The following RSPRY1 variants were observed in gnomAD, a reference collection of about 807,000 sequenced individuals.
RSPRY1 encodes ring finger and SPRY domain containing 1.
A neutral mutation model predicts 73.1 loss-of-function variants in RSPRY1; 23 were observed. The observed-to-expected ratio is 0.31, with a 90% CI of 0.23 to 0.45. The LOEUF (loss-of-function observed/expected upper bound fraction) is 0.45, where lower values mean the gene tolerates loss of function less well. Among genes scored for constraint, RSPRY1 ranks in the 20% least tolerant of loss-of-function variants. RSPRY1 has a pLI of 1.00. For synonymous variants in RSPRY1, 226 were observed against 251.4 expected, an observed-to-expected ratio of 0.90 and a Z score of 0.95; for missense variants, 448 against 698.7, an observed-to-expected ratio of 0.64 and a Z score of 4.05.
intron 1 of RSPRY1, among the ~76,000 whole-genome samples, chr16:57,196,108 G>T (rs991443310): frequency 6.7e-6 from 1 of 149,202 alleles, no homozygotes; most frequent in Admixed American, 6.7e-5. Context: ...TTTCTATTCC[G>T]TTCAGTCTCT....
In RSPRY1 at chr16:57,186,390, C is replaced by G. The variant is rs1041052298; in HGVS notation, c.-217C>G. 2.4e-5 allele frequency: 4 copies of G among 163,848 alleles called. No homozygotes were observed. The highest frequency in any genetic ancestry group is 3.9e-5 in the Non-Finnish European group (3 of 77,528). 10.1% of individuals were successfully genotyped at this position (163,848 alleles called of 1,614,324 possible). A position where few individuals can be genotyped will look rare whatever the true frequency, so the allele number is the denominator to read the frequency against. On this transcript the variant is annotated 5_prime_UTR_variant, in exon 1 of 15. Coordinates refer to ENST00000394420, the MANE Select transcript of RSPRY1 (RefSeq NM_133368.3). ...ATCTTTGCCGTTCTCTCGGACCTGT[C>G]ACAAAGGAGTCGCGCCGCCGCCGCC...
chr16:57,219,174 C>G (rs1425201497), intron 8 of RSPRY1, among the ~76,000 whole-genome samples: 10 of 152,060 alleles, frequency 6.6e-5, no homozygotes, highest in African/African-American at 2.4e-4. Flanking sequence ...TGGTGTATAC[C>G]TAGCAGCAGA....
chr16:57,217,105 T>A, intron 8 of RSPRY1, 70 bp downstream of exon 8: 2 of 1,564,898 alleles, frequency 1.3e-6, no homozygotes, highest in Non-Finnish European at 1.8e-6. Flanking sequence ...ATAGGCTCAC[T>A]GGTCTTCCTT....
chr16:57,186,907 G>A (rs2074213325), intron 1 of RSPRY1: 1 of 152,296 alleles, frequency 6.6e-6, no homozygotes, highest in African/African-American at 2.4e-5. Context: ...TCTTTTTGTG[G>A]AGTTTACGGT....
chr16:57,209,356 C>G (rs544105177), intron 4 of RSPRY1, among the ~76,000 whole-genome samples, 169 bp downstream of exon 4: 1 of 151,926 alleles, frequency 6.6e-6, no homozygotes, highest in African/African-American at 2.4e-5. Flanking sequence ...AGAATTATGT[C>G]CTCTTTTTTT....
At chr16:57,230,854 G>T in intron 12 of RSPRY1, 41 bp downstream of exon 12, 1 of 1,129,360 alleles carries the variant, frequency 8.9e-7, no homozygotes, top group South Asian at 1.3e-5. Flanking sequence ...GTAGATGCAC[G>T]GAATGCCCTT....
chr16:57,212,967 T>C lies in RSPRY1; in HGVS notation c.517-5T>C. The C allele has an allele frequency of 6.2e-7, 1 of 1,613,488 alleles. No homozygotes were observed. The highest frequency in any genetic ancestry group is 8.5e-7 in the Non-Finnish European group (1 of 1,179,656). On this transcript the variant is annotated splice_polypyrimidine_tract_variant and splice_region_variant and intron_variant, in intron 4 of 14. Coordinates refer to ENST00000394420, the MANE Select transcript of RSPRY1 (RefSeq NM_133368.3). ...GTCAAACCCACTTGTACTTTTTTGT[T>C]TTAGGATGCACTCCAGAAATTGACT...
At chr16:57,210,111 C>T (rs1029774723) in intron 4 of RSPRY1, among the ~76,000 whole-genome samples, 9 of 133,750 alleles carry the variant, frequency 6.7e-5, no homozygotes, top group African/African-American at 2.2e-4. Context: ...CTTCCTTCCC[C>T]GGCCCCGCCT....
chr16:57,208,297 T>G (rs2146263499), intron 3 of RSPRY1, among the ~76,000 whole-genome samples, 187 bp downstream of exon 3: 1 of 144,208 alleles, frequency 6.9e-6, no homozygotes, highest in East Asian at 2.0e-4. Context: ...CAATGCATAT[T>G]ATACCTTTTT....
At chr16:57,191,330 G>A (rs1299453186) in intron 1 of RSPRY1, among the ~76,000 whole-genome samples, 1 of 152,048 alleles carries the variant, frequency 6.6e-6, no homozygotes, top group Non-Finnish European at 1.5e-5. Context: ...GTATGCCTAA[G>A]GGCTACTTAT....
chr16:57,224,004 C>T (rs531895082), intron 10 of RSPRY1, among the ~76,000 whole-genome samples: 2 of 152,302 alleles, frequency 1.3e-5, no homozygotes, highest in African/African-American at 4.8e-5. Context: ...TGCTCCTTCC[C>T]CTGTTGAAGC....
At chr16:57,221,942 G>A (rs1340061548) in intron 10 of RSPRY1, among the ~76,000 whole-genome samples, 2 of 152,210 alleles carry the variant, frequency 1.3e-5, no homozygotes, top group Admixed American at 6.5e-5. Flanking sequence ...AGAGTAAGTA[G>A]CATTGAAGGT....
intron 8 of RSPRY1, among the ~76,000 whole-genome samples, chr16:57,218,614 C>G (rs2074978813): frequency 6.7e-6 from 1 of 148,714 alleles, no homozygotes; most frequent in Admixed American, 6.7e-5. Flanking sequence ...TGACTTATTT[C>G]ACTTAACATC....
chr16:57,214,040 G>C, intron 6 of RSPRY1, 94 bp downstream of exon 6: 1 of 824,562 alleles, frequency 1.2e-6, no homozygotes, highest in South Asian at 1.4e-5. Context: ...CATAGCCACT[G>C]GCACAGAGAA....
At chr16:57,206,691 T>G (rs2074732025) in intron 2 of RSPRY1, among the ~76,000 whole-genome samples, 1 of 152,144 alleles carries the variant, frequency 6.6e-6, no homozygotes, top group African/African-American at 2.4e-5. Context: ...GCCTCCTAAG[T>G]AGCTTGGACT....
chr16:57,236,304 A>G (rs567311012), intron 14 of RSPRY1, among the ~76,000 whole-genome samples: 1 of 152,344 alleles, frequency 6.6e-6, no homozygotes, highest in Admixed American at 6.5e-5. Flanking sequence ...GGGGTCATTA[A>G]TGAGTGCTGA....
At chr16:57,202,523 T>C (rs1236040657) in intron 1 of RSPRY1, among the ~76,000 whole-genome samples, 1 of 152,262 alleles carries the variant, frequency 6.6e-6, no homozygotes, top group African/African-American at 2.4e-5. Flanking sequence ...AAGCGAATCA[T>C]ACTCTGATCC....
rs2075351733 is a variant in RSPRY1 at position 57,239,697 on chromosome 16, GAA to G, written c.*727_*728del. The G allele has an allele frequency of 6.6e-6, 1 of 151,294 alleles. No homozygotes were observed. The highest frequency in any genetic ancestry group is 1.5e-5 in the Non-Finnish European group (1 of 67,836). The allele number at this position is 151,294 out of a possible 1,614,324, so 9.4% of individuals were successfully genotyped here. A position where few individuals can be genotyped will look rare whatever the true frequency, so the allele number is the denominator to read the frequency against. ...AATTTCAGTACCCACATTTAATGAG[GAA>G]AAAATGTTTTACCAATGAAGGAGGA... On this transcript the variant is annotated 3_prime_UTR_variant, in exon 15 of 15. Coordinates refer to ENST00000394420, the MANE Select transcript of RSPRY1 (RefSeq NM_133368.3).
Position 57,199,919 on chromosome 16 carries a change from T to C in RSPRY1, c.-155-4585T>C, listed in dbSNP as rs542020366. On this transcript the variant is annotated intron_variant, in intron 1 of 14. Transcript: ENST00000394420. ...TGTTTTTTTTTTTCTTTTTCTTTTT[T>C]TTTTTTTTTATTGATCATTCTTGGG... Among the ~76,000 whole-genome samples the C allele has an allele frequency of 1.7e-3, 249 of 149,980 alleles. 3 individuals are homozygous for C. Among genetic ancestry groups the C allele is most frequent in the African/African-American group, 3.1e-3 (126 of 41,086 alleles).
Sources: gnomAD v4.1 joint callset for allele counts (sites outside exome capture counted in the v4.1 genomes callset) on GRCh38, gnomAD v4.1.1 for gene constraint, MANE v1.5 for transcripts, NCBI Gene and HGNC (gene_info 2026-07-23, HGNC 2026-07-21) for gene names.